ITPK1: variants seen among roughly 807,000 people sequenced by gnomAD.
ITPK1 encodes the protein inositol 1,3,4-trisphosphate 5/6-kinase.
ITPK1 carries 21 observed loss-of-function variants against 45.3 expected under a neutral mutation model. The ratio of observed to expected loss-of-function variants is 0.46; its 90% confidence interval spans 0.33 to 0.67. The LOEUF is 0.67. Ranked by LOEUF, ITPK1 falls within the 30% of genes least tolerant of loss-of-function variation. ITPK1 has a pLI of 0.02. For synonymous variants in ITPK1, 258 were observed against 253.6 expected (o/e 1.02, Z -0.16); for missense variants, 474 against 573.5 (o/e 0.83, Z 1.77).
chr14:93,054,877 A>G (rs937368486), intron 3 of ITPK1, among the ~76,000 whole-genome samples: 16 of 152,222 alleles, frequency 1.1e-4, no homozygotes, highest in African/African-American at 2.9e-4. Context: ...AGGACATGCC[A>G]TAAGTGAACA....
At chr14:93,041,611 G>A (rs1889565096) in intron 3 of ITPK1, among the ~76,000 whole-genome samples, 2 of 152,198 alleles carry the variant, frequency 1.3e-5, no homozygotes, top group African/African-American at 2.4e-5. Flanking sequence ...AGGCAGGCAG[G>A]CAAGGCCCCT....
At chr14:93,002,672 A>C (rs1345250052) in intron 4 of ITPK1, among the ~76,000 whole-genome samples, 1 of 152,152 alleles carries the variant, frequency 6.6e-6, no homozygotes, top group Non-Finnish European at 1.5e-5. Context: ...TCCAAGAAAA[A>C]AAATAGTAGA....
rs913982493 is a variant in ITPK1 at position 92,941,440 on chromosome 14, A to G, written c.*121T>C. ...ATGACATCAGAGAATCAGGTTAAAA[A>G]TTAAAAAACAGAAGAATCAGATCAC... On this transcript the variant is annotated 3_prime_UTR_variant, in exon 11 of 11. Coordinates refer to ENST00000267615, the MANE Select transcript of ITPK1 (RefSeq NM_014216.6). 3 of 1,420,604 alleles carry G rather than the reference A, an allele frequency of 2.1e-6. No homozygotes were observed. The highest frequency in any genetic ancestry group is 1.5e-5 in the African/African-American group (1 of 67,692). The allele number at this position is 1,420,604 out of a possible 1,614,324, so 88.0% of individuals were successfully genotyped here.
chr14:93,054,562 C>T (rs1404889604), intron 3 of ITPK1, among the ~76,000 whole-genome samples: 1 of 152,176 alleles, frequency 6.6e-6, no homozygotes, highest in Non-Finnish European at 1.5e-5. Context: ...CCAGGGGGTA[C>T]AGAACATGTA....
intron 10 of ITPK1, among the ~76,000 whole-genome samples, chr14:92,944,183 C>T (rs914772991): frequency 1.3e-5 from 2 of 152,184 alleles, no homozygotes; most frequent in African/African-American, 4.8e-5. Flanking sequence ...CACCCACGTG[C>T]TGCTGGACAC....
Position 93,063,088 on chromosome 14 carries a change from C to T in ITPK1, c.120+13507G>A, listed in dbSNP as rs905958860. 1.1e-4 allele frequency among the ~76,000 whole-genome samples: 16 copies of T among 152,176 alleles called. No homozygotes were observed. Among genetic ancestry groups the T allele is most frequent in the African/African-American group, 3.9e-4 (16 of 41,442 alleles). On this transcript the variant is annotated intron_variant, in intron 3 of 10. Transcript: ENST00000267615. This position sits in a 1 kb window ranked among gnomAD's most constrained non-coding sequence, Gnocchi z 4.3. The stretch of plus-strand genomic sequence containing the variant: ...ACCCCCATCTCCCATCTCTCTCCCA[C>T]GCCAGACCCTTCTCCAAGCCCCACT...
At chr14:92,980,009 G>A (rs1473904103) in intron 5 of ITPK1, among the ~76,000 whole-genome samples, 1 of 152,060 alleles carries the variant, frequency 6.6e-6, no homozygotes, top group African/African-American at 2.4e-5. Context: ...TGGAACTCCT[G>A]ACGTCAAACG....
intron 2 of ITPK1, among the ~76,000 whole-genome samples, chr14:93,089,686 G>A (rs1435291543): frequency 6.6e-6 from 1 of 152,184 alleles, no homozygotes; most frequent in Non-Finnish European, 1.5e-5. Flanking sequence ...GTGAGAATGA[G>A]CCTGGGGCCT....
At chr14:92,968,470 C>T (rs989150270) in intron 5 of ITPK1, among the ~76,000 whole-genome samples, 1 of 152,184 alleles carries the variant, frequency 6.6e-6, no homozygotes, top group East Asian at 1.9e-4. Context: ...TTCACAACCA[C>T]GGTCTCCTCC....
chr14:93,018,025 G>A (rs1022837238), intron 3 of ITPK1, among the ~76,000 whole-genome samples: 4 of 151,996 alleles, frequency 2.6e-5, no homozygotes, highest in Non-Finnish European at 5.9e-5. Flanking sequence ...TCCATTCCCC[G>A]CTGCCTGCCC....
intron 3 of ITPK1, among the ~76,000 whole-genome samples, chr14:93,039,950 C>T (rs1419481418): frequency 6.6e-6 from 1 of 152,216 alleles, no homozygotes; most frequent in Non-Finnish European, 1.5e-5. Flanking sequence ...GGGTGTCCCG[C>T]TGTGCAGGGC....
rs754149740 is a variant in ITPK1, at chr14:92,946,322, G to T, written c.901+9C>A. 1 of 1,612,586 alleles carries T rather than the reference G, an allele frequency of 6.2e-7. No homozygotes were observed. On this transcript the variant is annotated intron_variant, in intron 10 of 10. Coordinates refer to ENST00000267615, the MANE Select transcript of ITPK1 (RefSeq NM_014216.6). ...GCCGGTCAGTGGAGGTGGCCTGGCCGCCACTCACCTGGGAAGGCATTGATG... is the reference window on the plus strand; with the variant it reads ...GCCGGTCAGTGGAGGTGGCCTGGCCTCCACTCACCTGGGAAGGCATTGATG...
Position 92,952,138 on chromosome 14 carries a change from C to G in ITPK1, c.671-125G>C, listed in dbSNP as rs565101470. 14 of 759,204 alleles carry G rather than the reference C, an allele frequency of 1.8e-5. 1 individual carries two copies. The African/African-American group carries it at 2.4e-4, about 13-fold the overall frequency. The allele number at this position is 759,204 out of a possible 1,614,324, so 47.0% of individuals were successfully genotyped here. On this transcript the variant is annotated intron_variant, in intron 8 of 10. Transcript: ENST00000267615. Reference sequence around the variant, plus strand: ...CACGTGGCCCCCGGCTCTGCAGAGCCCTGGGCTCCAGCAAGCTGGGCACCA... The same window carrying G: ...CACGTGGCCCCCGGCTCTGCAGAGCGCTGGGCTCCAGCAAGCTGGGCACCA...
At chr14:93,070,978 A>G (rs2139972673) in intron 3 of ITPK1, 1 of 153,886 alleles carries the variant, frequency 6.5e-6, no homozygotes, top group South Asian at 2.1e-4. Context: ...GGGGCTGAGG[A>G]AACAGGCACT....
In ITPK1 at chr14:92,964,126, G is replaced by A. The variant is rs181288690; in HGVS notation, c.365-1277C>T. Among the ~76,000 whole-genome samples the A allele has an allele frequency of 7.2e-5, 11 of 152,242 alleles. No homozygotes were observed. The South Asian group carries it at 1.5e-3, about 20-fold the overall frequency. On this transcript the variant is annotated intron_variant, in intron 5 of 10. Transcript: ENST00000267615. The stretch of plus-strand genomic sequence containing the variant: ...TCTCCCTCCTCATCCTCATTCCCCC[G>A]TTCCCCGACTCCTACCCTCACAGTC...
At position 92,947,419 on chromosome 14, in the gene ITPK1, C is replaced by A. The variant is rs144570180; in HGVS notation, c.739-926G>T. Among the ~76,000 whole-genome samples, 701 of 152,330 alleles carry A rather than the reference C, an allele frequency of 4.6e-3. 5 individuals carry two copies. The highest frequency in any genetic ancestry group is 0.016 in the African/African-American group (668 of 41,574). On this transcript the variant is annotated intron_variant, in intron 9 of 10. Transcript: ENST00000267615. ...CAGGCACACACTGTCATGGGCTCAG[C>A]CTGCCCCCAGCCAAGGCCTCCAAGG...
intron 2 of ITPK1, among the ~76,000 whole-genome samples, chr14:93,089,381 C>T (rs1891779229): frequency 6.6e-6 from 1 of 152,156 alleles, no homozygotes; most frequent in Non-Finnish European, 1.5e-5. Context: ...TCAAACCTTC[C>T]AGGCAGAAGG....
intron 2 of ITPK1, among the ~76,000 whole-genome samples, chr14:93,113,338 TG>T (rs1426698987): frequency 6.6e-6 from 1 of 152,214 alleles, no homozygotes; most frequent in Non-Finnish European, 1.5e-5. Context: ...AGGACCTAGT[TG>T]TGAGTCTCGG....
At chr14:93,041,407 G>A (rs1255038362) in intron 3 of ITPK1, among the ~76,000 whole-genome samples, 1 of 152,230 alleles carries the variant, frequency 6.6e-6, no homozygotes, top group African/African-American at 2.4e-5. Flanking sequence ...CTGAGGCCCA[G>A]AGACCAGCAG....
Sources: allele counts gnomAD v4.1 joint callset (sites outside exome capture counted in the v4.1 genomes callset), GRCh38; gene constraint gnomAD v4.1.1; non-coding constraint Gnocchi (gnomAD v3.1); transcripts MANE v1.5; gene names NCBI Gene and HGNC (gene_info 2026-07-23, HGNC 2026-07-21).